Variants in MERTK observed in about 807,000 individuals in gnomAD.
The protein encoded by MERTK is MER proto-oncogene, tyrosine kinase, also known as tyrosine-protein kinase Mer.
A neutral mutation model predicts 99.3 loss-of-function variants in MERTK; 69 were observed. The observed-to-expected ratio is 0.70, with a 90% CI of 0.57 to 0.85. The LOEUF (loss-of-function observed/expected upper bound fraction) is 0.85. MERTK is among the 40% of genes least tolerant of loss of function. The pLI, the probability that MERTK is intolerant of heterozygous loss-of-function variation, is 0.00. For synonymous variants in MERTK, 426 were observed against 467.6 expected (o/e 0.91, Z 1.15); for missense variants, 1,125 against 1,249.4 (o/e 0.90, Z 1.50).
At chr2:111,983,762 G>A (rs1676418764) in intron 8 of MERTK, among the ~76,000 whole-genome samples, 6 of 152,200 alleles carry the variant, frequency 3.9e-5, no homozygotes, top group Admixed American at 2.6e-4. Context: ...TCGTCATGCT[G>A]TGGCCACCTT....
intron 1 of MERTK, among the ~76,000 whole-genome samples, chr2:111,922,412 C>T (rs928997062): frequency 1.3e-5 from 2 of 152,230 alleles, no homozygotes; most frequent in East Asian, 1.9e-4. Context: ...AAGAGCCCTT[C>T]GCATCCCAAG....
At chr2:111,923,793 A>G (rs772454127) in intron 1 of MERTK, among the ~76,000 whole-genome samples, 1 of 152,226 alleles carries the variant, frequency 6.6e-6, no homozygotes. Context: ...TTTTGAGAGT[A>G]TTCCACTTCT....
chr2:111,926,082 T>G (rs6734384), intron 1 of MERTK, among the ~76,000 whole-genome samples: 1 of 151,230 alleles, frequency 6.6e-6, no homozygotes, highest in South Asian at 2.1e-4. Flanking sequence ...CCGCCTGCCT[T>G]GGCCTCCCAA....
At chr2:112,001,073 T>C (rs1676858485) in intron 10 of MERTK, 128 bp from the exon 11 acceptor site, 2 of 735,788 alleles carry the variant, frequency 2.7e-6, no homozygotes, top group African/African-American at 3.6e-5. Flanking sequence ...ACGTTTCTTC[T>C]AGGGGGAAAG....
At chr2:111,905,381 A>T (rs1046122509) in intron 1 of MERTK, among the ~76,000 whole-genome samples, 1 of 151,470 alleles carries the variant, frequency 6.6e-6, no homozygotes, top group Non-Finnish European at 1.5e-5. Flanking sequence ...AGAGTGATAA[A>T]GAAGAAAGGG....
intron 4 of MERTK, among the ~76,000 whole-genome samples, chr2:111,957,031 C>T (rs1469612200): frequency 6.6e-6 from 1 of 151,476 alleles, no homozygotes; most frequent in Non-Finnish European, 1.5e-5. Flanking sequence ...GGGTTCACGC[C>T]ATTGTCCTGC....
rs186066645 is a variant in MERTK, at chr2:112,014,886, G to A, written c.2080-4527G>A. Among the ~76,000 whole-genome samples, 11 of 152,052 alleles carry A rather than the reference G, an allele frequency of 7.2e-5. No individual in the cohort carries two copies. The East Asian group carries it at 1.5e-3, about 21-fold the overall frequency. On this transcript the variant is annotated intron_variant, in intron 15 of 18. Transcript: ENST00000295408. The stretch of plus-strand genomic sequence containing the variant: ...ACTTCTGACCTTAAATGATCCACCC[G>A]CTTTGGCCTCCCAAAATGCTGGGAT...
chr2:112,003,512 G>A (rs1676912473), intron 12 of MERTK: 2 of 335,506 alleles, frequency 6.0e-6, no homozygotes, highest in East Asian at 7.0e-5. Context: ...CATTGTTCTT[G>A]GCACCTTTCT....
At chr2:111,950,556 A>G (rs1321361087) in intron 4 of MERTK, among the ~76,000 whole-genome samples, 1 of 152,198 alleles carries the variant, frequency 6.6e-6, no homozygotes, top group Non-Finnish European at 1.5e-5. Context: ...ATGTTTACCA[A>G]CATTTGATTT....
intron 12 of MERTK, 82 bp from the exon 13 acceptor site, chr2:112,003,820 AAC>A (rs1274091817): frequency 6.8e-5 from 87 of 1,273,450 alleles, no homozygotes; most frequent in Non-Finnish European, 5.1e-5. Flanking sequence ...TACCACATGA[AAC>A]CAGCAGCTCT....
Position 112,023,065 on chromosome 2 carries a change from C to G in MERTK, c.2486+671C>G, listed in dbSNP as rs184726598. 1.2e-4 allele frequency among the ~76,000 whole-genome samples: 19 copies of G among 152,194 alleles called. No homozygotes were observed. The East Asian group carries it at 3.7e-3, about 29-fold the overall frequency. On this transcript the variant is annotated intron_variant, in intron 18 of 18. Transcript: ENST00000295408. ...GGCCAAAGAGGGCAGATCGTTTGAG[C>G]CCAGGAGTTTAAGACCAGCCTGGGC... is the stretch of plus-strand genomic sequence containing the variant.
At chr2:111,974,593 A>G (rs1285482282) in intron 6 of MERTK, among the ~76,000 whole-genome samples, 2 of 151,828 alleles carry the variant, frequency 1.3e-5, no homozygotes, top group South Asian at 2.1e-4. Flanking sequence ...GACATAGTGA[A>G]ACCCCATCTC....
At chr2:111,905,275 C>T (rs570611197) in intron 1 of MERTK, among the ~76,000 whole-genome samples, 11 of 152,154 alleles carry the variant, frequency 7.2e-5, no homozygotes, top group South Asian at 2.1e-4. Context: ...TTTTCACTCT[C>T]GGGGCCTCTG....
intron 7 of MERTK, among the ~76,000 whole-genome samples, chr2:111,979,434 G>T (rs1676321865): frequency 6.6e-6 from 1 of 151,926 alleles, no homozygotes; most frequent in Non-Finnish European, 1.5e-5. Flanking sequence ...TTTAATCCTG[G>T]TTCTGTGATA....
chr2:111,928,621 G>T (rs1271630788), intron 1 of MERTK, among the ~76,000 whole-genome samples: 1 of 152,120 alleles, frequency 6.6e-6, no homozygotes, highest in Non-Finnish European at 1.5e-5. Context: ...GAGTAGCTGG[G>T]ATTACGGGAA....
intron 6 of MERTK, among the ~76,000 whole-genome samples, chr2:111,969,651 A>G (rs1014464472): frequency 1.1e-4 from 17 of 151,480 alleles, no homozygotes; most frequent in South Asian, 8.3e-4. Flanking sequence ...TATTATCCGT[A>G]AAATAGCCTC....
rs1420448305 is a variant in MERTK, at chr2:111,936,386, T to C, written c.482+6846T>C. Among the ~76,000 whole-genome samples the C allele has an allele frequency of 4.0e-5, 6 of 150,766 alleles. No individual in the cohort carries two copies. In the Admixed American group the frequency reaches 4.0e-4, roughly 10 times the overall value. On this transcript the variant is annotated intron_variant, in intron 2 of 18. Coordinates refer to ENST00000295408, the MANE Select transcript of MERTK (RefSeq NM_006343.3). The stretch of plus-strand genomic sequence containing the variant: ...TGAAATAAAAGCAAATATAGAAGGA[T>C]GCAAATGAAATTATAAAATTAAAAA...
At chr2:111,999,864 A>T (rs895687668) in intron 10 of MERTK, among the ~76,000 whole-genome samples, 1 of 152,200 alleles carries the variant, frequency 6.6e-6, no homozygotes, top group Non-Finnish European at 1.5e-5. Flanking sequence ...CAGTGGAGTT[A>T]TCCAATATCC....
chr2:111,940,876 C>T (rs1684853833), intron 2 of MERTK: 1 of 747,544 alleles, frequency 1.3e-6, no homozygotes, highest in East Asian at 2.6e-5. Flanking sequence ...GGGCCAGTCA[C>T]TGCTGTGGAT....
Sources: gnomAD v4.1 joint callset for allele counts (sites outside exome capture counted in the v4.1 genomes callset) on GRCh38, gnomAD v4.1.1 for gene constraint, MANE v1.5 for transcripts, NCBI Gene and HGNC (gene_info 2026-07-23, HGNC 2026-07-21) for gene names.